KIF2C: variants seen among roughly 807,000 people sequenced by gnomAD.
KIF2C encodes kinesin-like protein KIF2C.
KIF2C carries 34 observed loss-of-function variants against 97.4 expected under a neutral mutation model. The observed-to-expected ratio is 0.35, with a 90% confidence interval of 0.27 to 0.46. The LOEUF is 0.46. KIF2C is among the 20% of genes least tolerant of loss of function. The pLI is 1.00. For missense variants in KIF2C, 750 were observed against 907.6 expected (o/e 0.83, Z 2.23); for synonymous variants, 313 against 318.2 (o/e 0.98, Z 0.17).
rs965950867 is a variant in KIF2C, at chr1:44,739,858, C to T, written c.-75C>T. 9 of 1,338,192 alleles carry T rather than the reference C, an allele frequency of 6.7e-6. No homozygotes were observed. Among genetic ancestry groups the T allele is most frequent in the Non-Finnish European group, 7.5e-6 (7 of 929,314 alleles). 82.9% of individuals were successfully genotyped at this position (1,338,192 alleles called of 1,614,324 possible). ...ATTTAAACTGCGGCGGTTTACGCGG[C>T]GTTAAGACTTCGTAGGGTTAGCGAA... On this transcript the variant is annotated 5_prime_UTR_variant, in exon 1 of 21. Transcript: ENST00000372224.
At chr1:44,756,015 G>C in intron 9 of KIF2C, 32 bp downstream of exon 9, 1 of 1,614,018 alleles carries the variant, frequency 6.2e-7, no homozygotes, top group South Asian at 1.1e-5. Context: ...AGAGGCTTCA[G>C]ACTGACTAAT....
At position 44,762,467 on chromosome 1, in the gene KIF2C, C is replaced by T. The variant is rs761221080; in HGVS notation, c.1857+16C>T. 35 of 1,612,050 alleles carry T rather than the reference C, an allele frequency of 2.2e-5. No individual in the cohort carries two copies. Among genetic ancestry groups the T allele is most frequent in the Admixed American group, 1.7e-4 (10 of 60,004 alleles). On this transcript the variant is annotated intron_variant, in intron 18 of 20. Transcript: ENST00000372224. The stretch of plus-strand genomic sequence containing the variant: ...TCCAGGCAATGTAAGGACCAGGATG[C>T]GGCCAAGCAAGACAGAAGTGTGGCC...
intron 19 of KIF2C, among the ~76,000 whole-genome samples, chr1:44,763,403 C>T (rs773035425): frequency 2.0e-5 from 3 of 152,186 alleles, no homozygotes; most frequent in Non-Finnish European, 2.9e-5. Context: ...TCCTCCCCTT[C>T]CTGGAGTGCT....
At chr1:44,751,385 G>A (rs1272439301) in intron 5 of KIF2C, among the ~76,000 whole-genome samples, 2 of 151,924 alleles carry the variant, frequency 1.3e-5, no homozygotes, top group Non-Finnish European at 2.9e-5. Context: ...TAGTAGGGGT[G>A]GGGTATCGCC....
chr1:44,745,559 CGCCT>C (rs1649148618), intron 2 of KIF2C, among the ~76,000 whole-genome samples: 1 of 142,230 alleles, frequency 7.0e-6, no homozygotes, highest in African/African-American at 2.6e-5. Flanking sequence ...CTGCAACCTC[CGCCT>C]CCCGGGTTCA....
At chr1:44,744,390 G>A (rs1232163860) in intron 2 of KIF2C, among the ~76,000 whole-genome samples, 1 of 152,196 alleles carries the variant, frequency 6.6e-6, no homozygotes, top group African/African-American at 2.4e-5. Context: ...TTACAGGCAT[G>A]AGCCACCACA....
intron 2 of KIF2C, chr1:44,746,837 A>G (rs1649221025): frequency 7.4e-7 from 1 of 1,351,636 alleles, no homozygotes; most frequent in Non-Finnish European, 1.0e-6. Flanking sequence ...TAAAGTTTGA[A>G]TTTAGGGGTA....
rs1461696349 is a variant in KIF2C, at chr1:44,760,248, C to T, written c.1368-32C>T. ...ACTTGGGTGCCATGGGGGCTGGTGA[C>T]CACAGAATCTCATAACCTTTCTTTA... On this transcript the variant is annotated intron_variant, in intron 14 of 20. Transcript: ENST00000372224. The surrounding 1 kb of genome is among the most constrained non-coding windows in gnomAD (Gnocchi z 4.2). The T allele has an allele frequency of 6.2e-7, 1 of 1,605,024 alleles. No homozygotes were observed. The highest frequency in any genetic ancestry group is 8.5e-7 in the Non-Finnish European group (1 of 1,172,664).
At chr1:44,762,982 C>T (rs1431617399) in intron 19 of KIF2C, among the ~76,000 whole-genome samples, 3 of 152,120 alleles carry the variant, frequency 2.0e-5, no homozygotes, top group South Asian at 2.1e-4. Flanking sequence ...TGTTGCAACT[C>T]TTGTGCTGAA....
intron 11 of KIF2C, 79 bp downstream of exon 11, chr1:44,757,725 G>C: frequency 8.6e-7 from 1 of 1,169,246 alleles, no homozygotes; most frequent in Admixed American, 1.7e-5. Flanking sequence ...CAATGAGTTT[G>C]TTGAGAAAGG....
At chr1:44,751,074 A>C (rs1020640189) in intron 5 of KIF2C, among the ~76,000 whole-genome samples, 13 of 152,246 alleles carry the variant, frequency 8.5e-5, no homozygotes, top group Admixed American at 3.9e-4. Context: ...TCAGAGCATT[A>C]ACAGAACTTC....
chr1:44,761,279 C>T (rs549967175), intron 16 of KIF2C, among the ~76,000 whole-genome samples: 1 of 152,272 alleles, frequency 6.6e-6, no homozygotes, highest in Admixed American at 6.5e-5. Context: ...CCTAAGGGAA[C>T]TGAAGTTTCC....
chr1:44,758,102 G>A lies in KIF2C; in HGVS notation c.1186G>A (p.Glu396Lys), dbSNP rs753308001. The A allele has an allele frequency of 1.2e-6, 2 of 1,606,012 alleles. No homozygotes were observed. Among genetic ancestry groups the A allele is most frequent in the Admixed American group, 1.7e-5 (1 of 59,140 alleles). The change falls in exon 13 of 21, where the codon GAA becomes AAA. Residue 396 changes from glutamate to lysine, a missense_variant. Coordinates refer to ENST00000372224, the MANE Select transcript of KIF2C (RefSeq NM_006845.4). ...ACCCTGCTACCGGAAGTTGGGCCTG[G>A]AAGTCTATGTGACATTCTTCGAGAT... is the stretch of plus-strand genomic sequence containing the variant. Reference protein sequence around the residue: ...NQPCYRKLGLEVYVTFFEIYN... With the variant: ...NQPCYRKLGLKVYVTFFEIYN...
chr1:44,751,853 G>A (rs1402592901), intron 5 of KIF2C, among the ~76,000 whole-genome samples: 2 of 104,964 alleles, frequency 1.9e-5, no homozygotes, highest in South Asian at 3.1e-4. Flanking sequence ...ATGGAGTCTC[G>A]CTGTGTCGCC....
In KIF2C at chr1:44,750,444, C is replaced by G. The variant is rs371282879; in HGVS notation, c.319C>G (p.Leu107Val). ...GGCTACTGCTCTCGGTTCTCCAGGT[C>G]TTCGAAGCCGCTCCACTCGCATGTC... The part of the protein sequence containing the change: ...NSKIPAPKES[L>V]RSRSTRMSTV... The change falls in exon 5 of 21, where the codon CTT becomes GTT. Residue 107 changes from leucine (L) to valine (V), a missense_variant and splice_region_variant. By Grantham distance (32) the Leu-to-Val change is conservative. Transcript: ENST00000372224. 2.0e-6 allele frequency: 3 copies of G among 1,472,884 alleles called. No individual in the cohort carries two copies. Among genetic ancestry groups the G allele is most frequent in the Non-Finnish European group, 2.7e-6 (3 of 1,101,156 alleles). 91.2% of individuals were successfully genotyped at this position (1,472,884 alleles called of 1,614,324 possible). A position where few individuals can be genotyped will look rare whatever the true frequency, so the allele number is the denominator to read the frequency against.
At chr1:44,744,863 G>C (rs992776193) in intron 2 of KIF2C, among the ~76,000 whole-genome samples, 3 of 151,768 alleles carry the variant, frequency 2.0e-5, no homozygotes, top group Non-Finnish European at 4.4e-5. Flanking sequence ...TCGCGCCATT[G>C]CACTCCAGCA....
intron 14 of KIF2C, 24 bp downstream of exon 14, chr1:44,759,372 G>T: frequency 1.2e-6 from 2 of 1,613,390 alleles, no homozygotes; most frequent in Non-Finnish European, 1.7e-6. Context: ...TGAGGGGAAG[G>T]AGCGACCTTC....
intron 13 of KIF2C, 32 bp downstream of exon 13, chr1:44,758,172 T>C (rs775221584): frequency 5.0e-6 from 8 of 1,588,324 alleles, no homozygotes; most frequent in Non-Finnish European, 6.0e-6. Flanking sequence ...GTTTACACTG[T>C]TGGGGCCCAG....
chr1:44,741,626 A>G (rs1648940772), intron 2 of KIF2C, among the ~76,000 whole-genome samples: 1 of 152,040 alleles, frequency 6.6e-6, no homozygotes, highest in African/African-American at 2.4e-5. Context: ...TTGAGGCTGC[A>G]CTGAACCATG....
Sources: allele counts gnomAD v4.1 joint callset (sites outside exome capture counted in the v4.1 genomes callset), GRCh38; gene constraint gnomAD v4.1.1; non-coding constraint Gnocchi (gnomAD v3.1); transcripts MANE v1.5; gene names NCBI Gene and HGNC (gene_info 2026-07-23, HGNC 2026-07-21).